The following DNAAF9 variants were observed in gnomAD, a reference collection of about 807,000 sequenced individuals.
The protein encoded by DNAAF9 is shulin.
In DNAAF9, 90 loss-of-function variants were observed where a neutral mutation model predicts 167.0. That is an observed-to-expected ratio of 0.54 (90% CI 0.45 to 0.64). The LOEUF (loss-of-function observed/expected upper bound fraction) is 0.64. Ranked by LOEUF, DNAAF9 falls within the 30% of genes least tolerant of loss-of-function variation. The pLI is 0.00. For synonymous variants in DNAAF9, 491 were observed against 508.8 expected (o/e 0.96, Z 0.47); for missense variants, 1,315 against 1,442.2 (o/e 0.91, Z 1.43).
intron 30 of DNAAF9, among the ~76,000 whole-genome samples, 177 bp from the exon 31 acceptor site, chr20:3,264,701 C>T (rs919578256): frequency 3.9e-5 from 6 of 152,152 alleles, no homozygotes; most frequent in South Asian, 2.1e-4. Flanking sequence ...TCCTGAGTAG[C>T]GGGGACTACA....
chr20:3,252,549 GGA>G lies in DNAAF9; in HGVS notation c.*21_*22del. 7.8e-7 allele frequency: 1 copy of G among 1,276,362 alleles called. No individual in the cohort carries two copies. The allele number at this position is 1,276,362 out of a possible 1,614,324, so 79.1% of individuals were successfully genotyped here. A position where few individuals can be genotyped will look rare whatever the true frequency, so the allele number is the denominator to read the frequency against. ...CCATCTCCAAGGTGGACATTCTGCA[GGA>G]CGTACGGGCCCAGCCTTCCTCTAGG... On this transcript the variant is annotated 3_prime_UTR_variant, in exon 37 of 37. Transcript: ENST00000252032.
At chr20:3,371,339 T>C (rs1242020334) in intron 6 of DNAAF9, among the ~76,000 whole-genome samples, 1 of 127,116 alleles carries the variant, frequency 7.9e-6, no homozygotes, top group African/African-American at 3.0e-5. Flanking sequence ...AAATCTTTTT[T>C]TTTTTTTTTT....
intron 9 of DNAAF9, among the ~76,000 whole-genome samples, chr20:3,341,775 A>AAT (rs2123114334): frequency 6.6e-6 from 1 of 152,202 alleles, no homozygotes; most frequent in Non-Finnish European, 1.5e-5. Flanking sequence ...CAGTGATGAT[A>AAT]ATATATATAC....
At chr20:3,375,718 G>A (rs2123226732) in intron 4 of DNAAF9, among the ~76,000 whole-genome samples, 1 of 152,104 alleles carries the variant, frequency 6.6e-6, no homozygotes, top group Middle Eastern at 3.4e-3. Flanking sequence ...AAATTAGCCA[G>A]GTGCCTGTTG....
In DNAAF9 at chr20:3,287,522, TC is replaced by T; in HGVS notation, c.2486+109del. 3.0e-6 allele frequency: 3 copies of T among 1,009,300 alleles called. No individual in the cohort carries two copies. In the South Asian group the frequency reaches 4.3e-5, roughly 14 times the overall value. The allele number at this position is 1,009,300 out of a possible 1,614,324, so 62.5% of individuals were successfully genotyped here. ...GGCTTCTCTGTAGCGCAGACACTGCTCATGCATGTAGAGTCTGTTCTGTGCT... is the reference window on the plus strand; with the variant it reads ...GGCTTCTCTGTAGCGCAGACACTGCTATGCATGTAGAGTCTGTTCTGTGCT... On this transcript the variant is annotated intron_variant, in intron 27 of 36. Transcript: ENST00000252032.
rs76583406 is a variant in DNAAF9 at position 3,255,867 on chromosome 20, G to A, written c.3261+139C>T. On this transcript the variant is annotated intron_variant, in intron 34 of 36. Coordinates refer to ENST00000252032, the MANE Select transcript of DNAAF9 (RefSeq NM_001009984.3). ...TTCCTCCCTCTCTCAAAGTGTCCCT[G>A]CAAGTGCTGGCTGGGCCAGGGAGAG... is the stretch of plus-strand genomic sequence containing the variant. 3.4e-3 allele frequency: 2,217 copies of A among 651,364 alleles called. 40 individuals carry two copies. The African/African-American group carries it at 0.037, about 11-fold the overall frequency. 40.3% of individuals were successfully genotyped at this position (651,364 alleles called of 1,614,324 possible).
chr20:3,318,788 A>G (rs2069555122), intron 16 of DNAAF9, among the ~76,000 whole-genome samples: 1 of 152,066 alleles, frequency 6.6e-6, no homozygotes, highest in Non-Finnish European at 1.5e-5. Flanking sequence ...TCTACTAAAG[A>G]AAAAATTAGG....
intron 14 of DNAAF9, among the ~76,000 whole-genome samples, chr20:3,323,866 G>C (rs1355342722): frequency 7.9e-5 from 12 of 152,216 alleles, no homozygotes. Flanking sequence ...GTGCCCAACT[G>C]CTTTACAAGG....
chr20:3,285,837 G>A (rs757751979), intron 27 of DNAAF9, among the ~76,000 whole-genome samples: 5 of 149,786 alleles, frequency 3.3e-5, no homozygotes, highest in African/African-American at 4.9e-5. Flanking sequence ...AAAATTACTC[G>A]GGTGTGGTGG....
chr20:3,259,586 A>G, intron 32 of DNAAF9, 32 bp from the exon 33 acceptor site: 1 of 1,473,036 alleles, frequency 6.8e-7, no homozygotes, highest in Non-Finnish European at 9.5e-7. Context: ...GCTGTCACCC[A>G]CATGGAGGCA....
chr20:3,296,754 CT>C, intron 23 of DNAAF9, 106 bp downstream of exon 23: 1 of 736,584 alleles, frequency 1.4e-6, no homozygotes. Context: ...TGTGTTGACC[CT>C]TTCAGAAGCC....
At chr20:3,306,995 A>C in intron 20 of DNAAF9, 4 of 985,342 alleles carry the variant, frequency 4.1e-6, no homozygotes, top group Non-Finnish European at 4.8e-6. Context: ...CTACATTTGT[A>C]CTTTTGAAGT....
At chr20:3,268,800 G>A (rs545235312) in intron 30 of DNAAF9, among the ~76,000 whole-genome samples, 2 of 150,950 alleles carry the variant, frequency 1.3e-5, no homozygotes, top group African/African-American at 2.4e-5. Context: ...TTTTCTCCTC[G>A]TATATGTGTG....
chr20:3,285,290 T>C lies in DNAAF9; in HGVS notation c.2486+2342A>G, dbSNP rs145574869. 4.6e-5 allele frequency among the ~76,000 whole-genome samples: 7 copies of C among 152,234 alleles called. No individual in the cohort carries two copies. The East Asian group carries it at 1.4e-3, about 29-fold the overall frequency. The stretch of plus-strand genomic sequence containing the variant: ...AGCCAGGCATGGTGGCTCACACCCA[T>C]ACTCCCACCACTTTGGGAGGCTGAG... On this transcript the variant is annotated intron_variant, in intron 27 of 36. Coordinates refer to ENST00000252032, the MANE Select transcript of DNAAF9 (RefSeq NM_001009984.3).
intron 7 of DNAAF9, among the ~76,000 whole-genome samples, chr20:3,356,051 G>T (rs1485717241): frequency 6.6e-6 from 1 of 152,114 alleles, no homozygotes; most frequent in East Asian, 1.9e-4. Flanking sequence ...TTTAGACAGA[G>T]TATCGCTCTG....
At position 3,270,516 on chromosome 20, in the gene DNAAF9, C is replaced by T. The variant is rs1376588964; in HGVS notation, c.2697G>A (p.Arg899=). Residue 899 remains arginine (R), a synonymous_variant, in exon 30 of 37, where the codon CGG becomes CGA. Transcript: ENST00000252032. ...VVFTSHTTEQ[R]HPLLVQLQSL... ...TCTGCAGCTGAACAAGGAGAGGGTG[C>T]CGCTGCTCCGTGGTGTGACTGGTGA... The T allele has an allele frequency of 6.2e-7, 1 of 1,612,818 alleles. No individual in the cohort carries two copies.
chr20:3,338,651 T>C (rs2123106120), intron 10 of DNAAF9, among the ~76,000 whole-genome samples: 1 of 150,620 alleles, frequency 6.6e-6, no homozygotes, highest in South Asian at 2.1e-4. Flanking sequence ...TTGGATGATT[T>C]TTTTTTTTTT....
At chr20:3,365,446 C>T (rs2083420456) in intron 6 of DNAAF9, among the ~76,000 whole-genome samples, 2 of 151,934 alleles carry the variant, frequency 1.3e-5, no homozygotes, top group African/African-American at 4.8e-5. Flanking sequence ...GGCTGGGGAG[C>T]AGTGGCGTGA....
At chr20:3,383,401 TGGG>T (rs1192001575) in intron 1 of DNAAF9, among the ~76,000 whole-genome samples, 2 of 151,334 alleles carry the variant, frequency 1.3e-5, no homozygotes, top group Non-Finnish European at 2.9e-5. Context: ...CCCGAATAGC[TGGG>T]ATTACAGGTG....
Sources: gnomAD v4.1 joint callset for allele counts (sites outside exome capture counted in the v4.1 genomes callset) on GRCh38, gnomAD v4.1.1 for gene constraint, MANE v1.5 for transcripts, NCBI Gene and HGNC (gene_info 2026-07-23, HGNC 2026-07-21) for gene names.